The following SYNE2 variants were observed in gnomAD, a reference collection of about 807,000 sequenced individuals.
The protein encoded by SYNE2 is spectrin repeat containing nuclear envelope protein 2, also known as nesprin-2.
SYNE2 carries 431 observed loss-of-function variants against 856.3 expected under a neutral mutation model. The ratio of observed to expected loss-of-function variants is 0.50; its 90% confidence interval spans 0.47 to 0.55. SYNE2 has a LOEUF of 0.55. SYNE2 is among the 20% of genes least tolerant of loss of function. The pLI, the probability that SYNE2 is intolerant of heterozygous loss-of-function variation, is 0.00. For missense variants in SYNE2, 8,129 were observed against 8,023.2 expected (o/e 1.01, Z -0.50); for synonymous variants, 2,923 against 2,872.3 (o/e 1.02, Z -0.56).
Position 63,886,288 on chromosome 14 carries a change from T to C in SYNE2, c.-51-22810T>C, listed in dbSNP as rs375187365. ...AATGTACCAACAGGAAGATGTGTGC[T>C]TAGGTAATTGAGAGCTAATGGTCCT... is the stretch of plus-strand genomic sequence containing the variant. On this transcript the variant is annotated intron_variant, in intron 1 of 115. Coordinates refer to ENST00000555002, the MANE Select transcript of SYNE2 (RefSeq NM_182914.3). Among the ~76,000 whole-genome samples, 67 of 152,304 alleles carry C rather than the reference T, an allele frequency of 4.4e-4. 1 individual carries two copies. The highest frequency in any genetic ancestry group is 1.5e-3 in the African/African-American group (62 of 41,556).
intron 100 of SYNE2, 42 bp downstream of exon 100, chr14:64,203,005 C>T (rs771291581): frequency 1.4e-5 from 22 of 1,610,126 alleles, no homozygotes; most frequent in South Asian, 4.4e-5. Context: ...GTACGGTGTC[C>T]GCGATATGCA....
chr14:63,805,785 C>T (rs1420565325), intron 1 of SYNE2, among the ~76,000 whole-genome samples: 1 of 152,114 alleles, frequency 6.6e-6, no homozygotes, highest in Non-Finnish European at 1.5e-5. Context: ...TCAGCTTGGA[C>T]GTTGTTTGTA....
intron 1 of SYNE2, among the ~76,000 whole-genome samples, chr14:63,853,667 C>A (rs979955619): frequency 4.0e-5 from 6 of 151,226 alleles, no homozygotes; most frequent in African/African-American, 1.2e-4. Flanking sequence ...GCGGTGCTCG[C>A]CCCGGGGACC....
intron 1 of SYNE2, among the ~76,000 whole-genome samples, chr14:63,821,433 A>G (rs933257733): frequency 2.0e-5 from 3 of 152,156 alleles, no homozygotes; most frequent in African/African-American, 7.2e-5. Context: ...TTCAAAATGT[A>G]TTTGTGTAGA....
intron 49 of SYNE2, among the ~76,000 whole-genome samples, chr14:64,062,468 G>C (rs2097324869): frequency 6.6e-6 from 1 of 151,946 alleles, no homozygotes; most frequent in South Asian, 2.1e-4. Flanking sequence ...GTGTGTTTGA[G>C]AATGCAGTTT....
chr14:64,193,570 G>A (rs1238782090), intron 99 of SYNE2, among the ~76,000 whole-genome samples: 1 of 152,076 alleles, frequency 6.6e-6, no homozygotes, highest in African/African-American at 2.4e-5. Flanking sequence ...AGATTGGAAG[G>A]TGATCCTACA....
intron 32 of SYNE2, among the ~76,000 whole-genome samples, chr14:64,010,728 C>G (rs1257058989): frequency 6.6e-6 from 1 of 152,108 alleles, no homozygotes; most frequent in Non-Finnish European, 1.5e-5. Flanking sequence ...TCTTCCCTCC[C>G]CTCCCCTCTC....
rs1241946891 is a variant in SYNE2, at chr14:64,130,243, C to T, written c.14335C>T (p.His4779Tyr). Residue 4779 changes from histidine to tyrosine, a missense_variant, in exon 76 of 116, where the codon CAC becomes TAC. This residue lies in a region of SYNE2 where 5,410 missense variants were observed against 5,284.8 expected (regional missense o/e 1.02). Coordinates refer to ENST00000555002, the MANE Select transcript of SYNE2 (RefSeq NM_182914.3). ...GGCGTTACAGGCTCAAATAGAAAAT[C>T]ACAAGGTGAGACAGACACATGGGTC... Reference protein sequence around the residue: ...KVALQAQIENHKVFFQKLVAD... With the variant: ...KVALQAQIENYKVFFQKLVAD... 1 of 1,611,582 alleles carries T rather than the reference C, an allele frequency of 6.2e-7. No homozygotes were observed. The highest frequency in any genetic ancestry group is 1.1e-5 in the South Asian group (1 of 90,526).
chr14:64,102,485 A>T (rs964942872), intron 64 of SYNE2, among the ~76,000 whole-genome samples: 1 of 150,432 alleles, frequency 6.6e-6, no homozygotes, highest in Non-Finnish European at 1.5e-5. Context: ...TTAGGGAGGG[A>T]ACCTGCATGG....
intron 23 of SYNE2, 133 bp from the exon 24 acceptor site, chr14:63,996,814 A>T (rs146679102): frequency 2.4e-6 from 2 of 845,932 alleles, no homozygotes; most frequent in Non-Finnish European, 3.9e-6. Flanking sequence ...TCTAGCGCCT[A>T]TTGTCATAGC....
intron 1 of SYNE2, among the ~76,000 whole-genome samples, chr14:63,876,002 C>T (rs947128282): frequency 6.6e-6 from 1 of 151,822 alleles, no homozygotes; most frequent in African/African-American, 2.4e-5. Context: ...TGGCTGTACT[C>T]TAGGGAGGTC....
intron 46 of SYNE2, 47 bp downstream of exon 46, chr14:64,048,202 A>T (rs769502777): frequency 6.3e-7 from 1 of 1,585,544 alleles, no homozygotes; most frequent in Admixed American, 1.7e-5. Flanking sequence ...TCATTTATCC[A>T]GTGCAATACA....
chr14:64,139,922 C>A lies in SYNE2; in HGVS notation c.14844-19C>A. ...AATATGTTTCTAATCTGCCTTCTCT[C>A]TCACTTTGCTCCTGTTAGTTATAAC... On this transcript the variant is annotated intron_variant, in intron 79 of 115. Coordinates refer to ENST00000555002, the MANE Select transcript of SYNE2 (RefSeq NM_182914.3). The A allele has an allele frequency of 6.2e-7, 1 of 1,613,868 alleles. No individual in the cohort carries two copies. The highest frequency in any genetic ancestry group is 8.5e-7 in the Non-Finnish European group (1 of 1,179,878).
intron 29 of SYNE2, 139 bp downstream of exon 29, chr14:64,002,220 G>C: frequency 1.3e-6 from 1 of 779,426 alleles, no homozygotes; most frequent in Non-Finnish European, 2.1e-6. Flanking sequence ...CAGTAATTTA[G>C]ACTTGTTTTT....
intron 1 of SYNE2, among the ~76,000 whole-genome samples, chr14:63,837,153 T>C (rs374488797): frequency 1.3e-5 from 2 of 152,224 alleles, no homozygotes; most frequent in African/African-American, 4.8e-5. Flanking sequence ...TATATTATGG[T>C]CAATTGATTT....
intron 54 of SYNE2, among the ~76,000 whole-genome samples, chr14:64,077,914 C>T (rs1595365070): frequency 6.6e-6 from 1 of 152,100 alleles, no homozygotes; most frequent in Non-Finnish European, 1.5e-5. Flanking sequence ...AATGGTTACA[C>T]AGAGAATAAT....
intron 2 of SYNE2, among the ~76,000 whole-genome samples, chr14:63,927,052 G>C (rs2095676640): frequency 6.6e-6 from 1 of 152,220 alleles, no homozygotes; most frequent in South Asian, 2.1e-4. Context: ...GTGTAGGAGA[G>C]AGTAAGATGC....
chr14:64,133,714 A>C (rs2098051427), intron 77 of SYNE2, among the ~76,000 whole-genome samples: 1 of 152,210 alleles, frequency 6.6e-6, no homozygotes, highest in Admixed American at 6.5e-5. Flanking sequence ...TCCCTTTCCT[A>C]ATAAGAGAAA....
intron 45 of SYNE2, among the ~76,000 whole-genome samples, chr14:64,036,716 CACTT>C (rs1366698242): frequency 1.3e-5 from 2 of 152,106 alleles, no homozygotes; most frequent in Non-Finnish European, 2.9e-5. Context: ...TTTCCCCAAT[CACTT>C]ACAGGCCAAA....
Sources: gnomAD v4.1 joint callset for allele counts (sites outside exome capture counted in the v4.1 genomes callset) on GRCh38, gnomAD v4.1.1 for gene constraint, gnomAD v4.1.1 regional missense constraint, MANE v1.5 for transcripts, NCBI Gene and HGNC (gene_info 2026-07-23, HGNC 2026-07-21) for gene names.